The following GRID1 variants were observed in gnomAD, a reference collection of about 807,000 sequenced individuals.
The protein encoded by GRID1 is glutamate receptor ionotropic, delta-1.
Under a neutral mutation model 98.0 loss-of-function variants are expected in GRID1, and 28 were observed. That is an observed-to-expected ratio of 0.29 (90% CI 0.21 to 0.39). GRID1 has a LOEUF of 0.39. Among genes scored for constraint, GRID1 ranks in the 10% least tolerant of loss-of-function variants. GRID1 has a pLI of 1.00. For missense variants in GRID1, 1,111 were observed against 1,340.5 expected (o/e 0.83, Z 2.67); for synonymous variants, 553 against 538.5 (o/e 1.03, Z -0.37).
intron 8 of GRID1, among the ~76,000 whole-genome samples, chr10:85,730,254 A>G (rs1476942777): frequency 6.6e-6 from 1 of 152,262 alleles, no homozygotes; most frequent in East Asian, 1.9e-4. Flanking sequence ...AGCCAGAGGC[A>G]TCTCTGATAG....
At chr10:86,087,392 C>CTG (rs151062497) in intron 4 of GRID1, among the ~76,000 whole-genome samples, 3 of 143,714 alleles carry the variant, frequency 2.1e-5, no homozygotes, top group East Asian at 2.0e-4. Flanking sequence ...ATAATGGAGT[C>CTG]TGTGTGTGTG....
chr10:85,607,807 C>CTTTTTTTTT (rs749667195), intron 15 of GRID1, among the ~76,000 whole-genome samples: 8 of 137,658 alleles, frequency 5.8e-5, no homozygotes, highest in Non-Finnish European at 7.9e-5. Flanking sequence ...TTTCCTTTTC[C>CTTTTTTTTT]TTTTTTTTTT....
intron 2 of GRID1, among the ~76,000 whole-genome samples, chr10:86,231,580 G>A (rs983972791): frequency 6.6e-6 from 1 of 152,206 alleles, no homozygotes; most frequent in Admixed American, 6.5e-5. Context: ...AGCTTTGGAT[G>A]AAGAGCACAG....
At chr10:86,250,421 G>A (rs1846802520) in intron 2 of GRID1, among the ~76,000 whole-genome samples, 1 of 152,256 alleles carries the variant, frequency 6.6e-6, no homozygotes, top group Non-Finnish European at 1.5e-5. Flanking sequence ...GACAGTTTCA[G>A]CATTGCAGTG....
At chr10:86,140,752 C>G (rs1296253288) in intron 3 of GRID1, among the ~76,000 whole-genome samples, 2 of 152,206 alleles carry the variant, frequency 1.3e-5, no homozygotes, top group Admixed American at 6.5e-5. Flanking sequence ...CCCTTTTGAG[C>G]CTGAGGGGCT....
intron 4 of GRID1, among the ~76,000 whole-genome samples, chr10:86,067,596 G>A (rs1843739242): frequency 6.6e-6 from 1 of 152,248 alleles, no homozygotes; most frequent in South Asian, 2.1e-4. Context: ...GACAGGCACT[G>A]CGGTTCCCCA....
chr10:85,813,139 G>A (rs1233221815), intron 8 of GRID1, among the ~76,000 whole-genome samples: 1 of 151,488 alleles, frequency 6.6e-6, no homozygotes, highest in Non-Finnish European at 1.5e-5. Flanking sequence ...AGCCCCAGAA[G>A]AAGAGAAAAA....
chr10:86,000,925 A>G (rs975669495), intron 4 of GRID1, among the ~76,000 whole-genome samples: 2 of 87,296 alleles, frequency 2.3e-5, no homozygotes, highest in African/African-American at 8.4e-5. Context: ...CTTCATAATT[A>G]CCAAAAACTA....
At chr10:86,340,632 C>T (rs905386757) in intron 2 of GRID1, among the ~76,000 whole-genome samples, 1 of 152,186 alleles carries the variant, frequency 6.6e-6, no homozygotes, top group African/African-American at 2.4e-5. Context: ...GTCACTGTTT[C>T]TCTAGACCAT....
chr10:85,690,298 G>C (rs1376212566), intron 12 of GRID1, among the ~76,000 whole-genome samples: 1 of 152,030 alleles, frequency 6.6e-6, no homozygotes, highest in Non-Finnish European at 1.5e-5. Flanking sequence ...CTGTGAAATT[G>C]ATTAGTATGT....
intron 4 of GRID1, among the ~76,000 whole-genome samples, chr10:86,043,851 C>T (rs1170255493): frequency 1.3e-5 from 2 of 152,110 alleles, no homozygotes; most frequent in African/African-American, 4.8e-5. Flanking sequence ...TCTTTACCTA[C>T]AAGGTGAATT....
chr10:85,810,625 C>T (rs1325952586), intron 8 of GRID1, among the ~76,000 whole-genome samples: 6 of 152,176 alleles, frequency 3.9e-5, no homozygotes, highest in Non-Finnish European at 5.9e-5. Flanking sequence ...ACCATGCACC[C>T]TCACTCCCAA....
intron 2 of GRID1, among the ~76,000 whole-genome samples, chr10:86,259,786 G>C (rs1380339193): frequency 6.6e-6 from 1 of 152,148 alleles, no homozygotes; most frequent in African/African-American, 2.4e-5. Flanking sequence ...GAGAGGAAGA[G>C]GCCAGATAGA....
intron 3 of GRID1, among the ~76,000 whole-genome samples, chr10:86,142,296 A>C (rs944715936): frequency 6.6e-6 from 1 of 152,266 alleles, no homozygotes; most frequent in Non-Finnish European, 1.5e-5. Flanking sequence ...AGCAATAACA[A>C]AGTGATAGAT....
chr10:85,772,292 A>G (rs1432221289), intron 8 of GRID1, among the ~76,000 whole-genome samples: 1 of 152,148 alleles, frequency 6.6e-6, no homozygotes, highest in Non-Finnish European at 1.5e-5. Context: ...AAGACACAAC[A>G]TACGAGAATC....
intron 2 of GRID1, among the ~76,000 whole-genome samples, chr10:86,309,441 C>T (rs949400393): frequency 6.6e-6 from 1 of 152,154 alleles, no homozygotes; most frequent in Non-Finnish European, 1.5e-5. Flanking sequence ...GCCAAGAAAG[C>T]GGTCATACAT....
intron 13 of GRID1, among the ~76,000 whole-genome samples, chr10:85,639,232 CCA>C (rs974550029): frequency 6.8e-4 from 103 of 151,806 alleles, no homozygotes; most frequent in African/African-American, 2.3e-3. Context: ...AATATCATTC[CCA>C]CACACACAAA....
At chr10:86,211,847 C>A (rs1010200782) in intron 2 of GRID1, among the ~76,000 whole-genome samples, 27 of 152,216 alleles carry the variant, frequency 1.8e-4, no homozygotes, top group African/African-American at 6.3e-4. Flanking sequence ...CAGCAGGGGA[C>A]AGAACCCAGG....
intron 8 of GRID1, among the ~76,000 whole-genome samples, chr10:85,733,365 C>A (rs747791325): frequency 4.5e-4 from 69 of 152,148 alleles, no homozygotes; most frequent in Non-Finnish European, 5.4e-4. Context: ...GGATCTCCAA[C>A]CTTGCCTCGA....
Sources: gnomAD v4.1 joint callset for allele counts (sites outside exome capture counted in the v4.1 genomes callset) on GRCh38, gnomAD v4.1.1 for gene constraint, MANE v1.5 for transcripts, NCBI Gene and HGNC (gene_info 2026-07-23, HGNC 2026-07-21) for gene names.